Variants in SORCS2 observed in about 807,000 individuals in gnomAD.
SORCS2 encodes sortilin related VPS10 domain containing receptor 2.
A neutral mutation model predicts 141.6 loss-of-function variants in SORCS2; 100 were observed. That is an observed-to-expected ratio of 0.71 (90% CI 0.60 to 0.83). The LOEUF (loss-of-function observed/expected upper bound fraction) is 0.83. SORCS2 is among the 40% of genes least tolerant of loss of function. The probability of loss-of-function intolerance (pLI) is 0.00; values close to 1 mark genes in which losing one functional copy is unlikely to be tolerated. For missense variants in SORCS2, 1,646 were observed against 1,560.2 expected, an observed-to-expected ratio of 1.05 and a Z score of -0.93; for synonymous variants, 789 against 676.9, an observed-to-expected ratio of 1.17 and a Z score of -2.57.
At chr4:7,431,845 C>A (rs949711480) in intron 2 of SORCS2, 3 of 152,194 alleles carry the variant, frequency 2.0e-5, no homozygotes, top group African/African-American at 7.2e-5. Context: ...CGGGTGTGGC[C>A]TCTTGGAAAA....
chr4:7,723,710 C>T lies in SORCS2; in HGVS notation c.2438C>T (p.Thr813Ile). The change falls in exon 19 of 27, where the codon ACT (threonine) becomes ATT (isoleucine). Residue 813 changes from threonine (T) to isoleucine (I), a missense_variant. By Grantham distance (89) the Thr-to-Ile change is moderately conservative. Transcript: ENST00000507866. ...GTTTCTCTGCAGGGTGATGTCCTGA[C>T]TACCAAGTACCAGGTAGACCTTGGG... ...VVRQEQGDVL[T>I]TKYQVDLGDG... The T allele has an allele frequency of 1.2e-6, 2 of 1,613,992 alleles. No individual in the cohort carries two copies. The highest frequency in any genetic ancestry group is 1.7e-6 in the Non-Finnish European group (2 of 1,179,884).
chr4:7,606,778 G>T (rs922871490), intron 3 of SORCS2, among the ~76,000 whole-genome samples: 67 of 152,214 alleles, frequency 4.4e-4, no homozygotes, highest in African/African-American at 1.5e-3. Flanking sequence ...GGGTGACGAT[G>T]CCATCAGGAA....
intron 2 of SORCS2, among the ~76,000 whole-genome samples, chr4:7,429,369 C>A (rs1437467141): frequency 2.0e-5 from 3 of 152,202 alleles, no homozygotes; most frequent in African/African-American, 4.8e-5. Flanking sequence ...GGCTAATTTA[C>A]CAGGTCCCAT....
intron 23 of SORCS2, among the ~76,000 whole-genome samples, chr4:7,731,010 G>A (rs551880163): frequency 4.6e-5 from 7 of 152,346 alleles, no homozygotes; most frequent in East Asian, 3.9e-4. Flanking sequence ...GCATGCCCAC[G>A]TGGTGCCACG....
At chr4:7,370,939 C>A (rs555688828) in intron 1 of SORCS2, among the ~76,000 whole-genome samples, 3 of 152,186 alleles carry the variant, frequency 2.0e-5, no homozygotes, top group Non-Finnish European at 4.4e-5. Context: ...CCTGTGGGGT[C>A]CCCCTGTCTA....
chr4:7,365,763 T>C (rs1220092794), intron 1 of SORCS2, among the ~76,000 whole-genome samples: 1 of 152,210 alleles, frequency 6.6e-6, no homozygotes, highest in Non-Finnish European at 1.5e-5. Flanking sequence ...AGGGCTGCGC[T>C]AATGATAATA....
intron 1 of SORCS2, among the ~76,000 whole-genome samples, chr4:7,301,928 C>T (rs1401903040): frequency 6.6e-6 from 1 of 152,208 alleles, no homozygotes; most frequent in South Asian, 2.1e-4. Context: ...CCTCTCCTTC[C>T]CTTCCAGCTC....
intron 1 of SORCS2, among the ~76,000 whole-genome samples, chr4:7,276,610 G>T (rs2108851242): frequency 6.6e-6 from 1 of 152,262 alleles, no homozygotes; most frequent in East Asian, 1.9e-4. Flanking sequence ...ACTCAGGTGG[G>T]CCTAATTCTT....
intron 2 of SORCS2, among the ~76,000 whole-genome samples, chr4:7,518,814 G>A (rs930708138): frequency 2.0e-5 from 3 of 147,310 alleles, no homozygotes; most frequent in Non-Finnish European, 3.0e-5. Context: ...CTGCCCCCCC[G>A]GCCCCCCATC....
rs143187145 is a variant in SORCS2 at position 7,678,447 on chromosome 4, C to T, written c.1341+2218C>T. Among the ~76,000 whole-genome samples, 8 of 147,980 alleles carry T rather than the reference C, an allele frequency of 5.4e-5. No homozygotes were observed. In the East Asian group the frequency reaches 8.1e-4, roughly 15 times the overall value. ...AGCACAACTCTGGAGCCTGACTGCC[C>T]GGGGTTCAGGTCCATGAACTGGTAT... On this transcript the variant is annotated intron_variant, in intron 9 of 26. Transcript: ENST00000507866.
At chr4:7,628,449 A>G (rs1245748037) in intron 3 of SORCS2, among the ~76,000 whole-genome samples, 4 of 149,586 alleles carry the variant, frequency 2.7e-5, no homozygotes, top group South Asian at 2.2e-4. Context: ...AACCCGGGAG[A>G]TGGAGCTTGC....
intron 1 of SORCS2, among the ~76,000 whole-genome samples, chr4:7,228,698 G>T (rs112541922): frequency 5.3e-5 from 8 of 152,184 alleles, no homozygotes; most frequent in East Asian, 1.9e-4. Context: ...TTCAGGACCC[G>T]CAGCTTCTCT....
At chr4:7,366,972 A>G (rs957452007) in intron 1 of SORCS2, among the ~76,000 whole-genome samples, 2 of 152,226 alleles carry the variant, frequency 1.3e-5, no homozygotes, top group African/African-American at 4.8e-5. Context: ...AATTCAGAGG[A>G]GCAATCTTAT....
chr4:7,667,643 G>T (rs1002775243), intron 8 of SORCS2, among the ~76,000 whole-genome samples: 64 of 152,252 alleles, frequency 4.2e-4, no homozygotes, highest in African/African-American at 1.5e-3. Context: ...TATTGCTGGG[G>T]TGGGGATGAT....
At chr4:7,256,671 A>G (rs953705337) in intron 1 of SORCS2, among the ~76,000 whole-genome samples, 3 of 151,414 alleles carry the variant, frequency 2.0e-5, no homozygotes, top group African/African-American at 7.3e-5. Flanking sequence ...TAATGTGGTT[A>G]CCATCAATAG....
At position 7,741,176 on chromosome 4, in the gene SORCS2, C is replaced by T. The variant is rs1712639870; in HGVS notation, c.*912C>T. The T allele has an allele frequency of 2.5e-6, 1 of 398,564 alleles. No individual in the cohort carries two copies. The highest frequency in any genetic ancestry group is 2.1e-5 in the African/African-American group (1 of 48,598). The allele number at this position is 398,564 out of a possible 1,614,324, so 24.7% of individuals were successfully genotyped here. A position where few individuals can be genotyped will look rare whatever the true frequency, so the allele number is the denominator to read the frequency against. ...GTGGTGGAGACGGCACCAGATGTAC[C>T]AGTTTTCTGCAGTTCCTTATAGGCG... is the stretch of plus-strand genomic sequence containing the variant. On this transcript the variant is annotated 3_prime_UTR_variant, in exon 27 of 27. Transcript: ENST00000507866.
At chr4:7,606,614 C>A (rs1298686699) in intron 3 of SORCS2, among the ~76,000 whole-genome samples, 1 of 152,072 alleles carries the variant, frequency 6.6e-6, no homozygotes, top group Non-Finnish European at 1.5e-5. Flanking sequence ...TGAGGGCCGC[C>A]TCTGTGGGTA....
rs1726968861 is a variant in SORCS2 at position 7,193,411 on chromosome 4, C to G, written c.480+285C>G. The stretch of plus-strand genomic sequence containing the variant: ...GATACTCCCCCACTGGCCTCCAGGT[C>G]TTGGGTTACGGAGGAGGACCCCAGA... On this transcript the variant is annotated intron_variant, in intron 1 of 26. Transcript: ENST00000507866. This position sits in a 1 kb window ranked among gnomAD's most constrained non-coding sequence, Gnocchi z 4.8. 6.6e-6 allele frequency among the ~76,000 whole-genome samples: 1 copy of G among 152,200 alleles called. No homozygotes were observed. Among genetic ancestry groups the G allele is most frequent in the Non-Finnish European group, 1.5e-5 (1 of 68,032 alleles).
intron 1 of SORCS2, among the ~76,000 whole-genome samples, chr4:7,370,785 C>T (rs1363828183): frequency 6.6e-6 from 1 of 152,202 alleles, no homozygotes; most frequent in African/African-American, 2.4e-5. Flanking sequence ...TTTACTGGTC[C>T]TCTCTGGCTG....
Sources: allele counts gnomAD v4.1 joint callset (sites outside exome capture counted in the v4.1 genomes callset), GRCh38; gene constraint gnomAD v4.1.1; non-coding constraint Gnocchi (gnomAD v3.1); transcripts MANE v1.5; gene names NCBI Gene and HGNC (gene_info 2026-07-23, HGNC 2026-07-21).